The following AGBL2 variants were observed in gnomAD, a reference collection of about 807,000 sequenced individuals.
The protein encoded by AGBL2 is AGBL carboxypeptidase 2.
A neutral mutation model predicts 103.0 loss-of-function variants in AGBL2; 87 were observed. The ratio of observed to expected loss-of-function variants is 0.84; its 90% CI spans 0.71 to 1.01. The LOEUF (loss-of-function observed/expected upper bound fraction) is 1.01. Ranked by LOEUF, AGBL2 falls within the 50% of genes least tolerant of loss-of-function variation. The pLI, the probability that AGBL2 is intolerant of heterozygous loss-of-function variation, is 0.00. For missense variants in AGBL2, 904 were observed against 1,023.5 expected, an observed-to-expected ratio of 0.88 and a Z score of 1.59; for synonymous variants, 335 against 356.7, an observed-to-expected ratio of 0.94 and a Z score of 0.69.
intron 8 of AGBL2, among the ~76,000 whole-genome samples, chr11:47,694,883 T>A (rs1258167152): frequency 6.6e-6 from 1 of 152,208 alleles, no homozygotes; most frequent in Admixed American, 6.5e-5. Flanking sequence ...GCGTGGTGGC[T>A]CATGCCTGTA....
In AGBL2 at chr11:47,663,078, A is replaced by G; in HGVS notation, c.2483T>C (p.Leu828Pro). 6.3e-7 allele frequency: 1 copy of G among 1,598,300 alleles called. No individual in the cohort carries two copies. Among genetic ancestry groups the G allele is most frequent in the Non-Finnish European group, 8.5e-7 (1 of 1,176,768 alleles). The stretch of plus-strand genomic sequence containing the variant: ...AATCAGGGTGGCCATTGATGGGTCC[A>G]GGGGGGTGTCTTTGTCTCTTCTATT... ...NLNRRDKDTPLDPSMATLILP... is the reference protein window; with the variant it reads ...NLNRRDKDTPPDPSMATLILP... The change falls in exon 18 of 19, where the codon CTG (leucine) becomes CCG (proline). Residue 828 changes from leucine (L) to proline (P), a missense_variant. Physicochemically the swap from Leu to Pro is moderately conservative, Grantham distance 98. Coordinates refer to ENST00000525123, the MANE Select transcript of AGBL2 (RefSeq NM_024783.4).
chr11:47,714,174 T>G lies in AGBL2; in HGVS notation c.97+110A>C. 5 of 781,428 alleles carry G rather than the reference T, an allele frequency of 6.4e-6. No individual in the cohort carries two copies. The South Asian group carries it at 7.9e-5, about 12-fold the overall frequency. 48.4% of individuals were successfully genotyped at this position (781,428 alleles called of 1,614,324 possible). On this transcript the variant is annotated intron_variant, in intron 3 of 18. Coordinates refer to ENST00000525123, the MANE Select transcript of AGBL2 (RefSeq NM_024783.4). ...AATGGTAGAGGAAAAAGTATTTATT[T>G]GTCAATGCAAATTATTTATTAGTCT... is the stretch of plus-strand genomic sequence containing the variant.
intron 10 of AGBL2, among the ~76,000 whole-genome samples, chr11:47,686,983 T>TG (rs1194444882): frequency 3.8e-5 from 1 of 26,514 alleles, no homozygotes; most frequent in African/African-American, 1.5e-4. Context: ...AAAAAAATGG[T>TG]GGGGGGAGGG....
chr11:47,691,099 CA>C (rs71042701), intron 9 of AGBL2, among the ~76,000 whole-genome samples: 10 of 138,444 alleles, frequency 7.2e-5, no homozygotes, highest in African/African-American at 2.4e-4. Flanking sequence ...ACTAAATATA[CA>C]AAAAAAAAAA....
At chr11:47,668,359 T>A (rs1438237686) in intron 15 of AGBL2, among the ~76,000 whole-genome samples, 4 of 137,944 alleles carry the variant, frequency 2.9e-5, no homozygotes, top group East Asian at 2.2e-4. Context: ...TAGCCGGGCG[T>A]GGTGGCATGT....
intron 8 of AGBL2, among the ~76,000 whole-genome samples, chr11:47,695,778 A>G (rs1046854081): frequency 6.6e-6 from 1 of 151,352 alleles, no homozygotes; most frequent in Non-Finnish European, 1.5e-5. Context: ...CTGTCTAAAA[A>G]TTAAAAAAAA....
chr11:47,672,470 A>G (rs1321480816), intron 14 of AGBL2, among the ~76,000 whole-genome samples: 2 of 152,060 alleles, frequency 1.3e-5, no homozygotes, highest in Admixed American at 6.6e-5. Context: ...ATGAGTCACC[A>G]TGACTGGCTA....
Position 47,666,996 on chromosome 11 carries a change from C to G in AGBL2, c.2408G>C (p.Ser803Thr). 6.2e-7 allele frequency: 1 copy of G among 1,613,638 alleles called. No individual in the cohort carries two copies. The highest frequency in any genetic ancestry group is 8.5e-7 in the Non-Finnish European group (1 of 1,179,904). The change falls in exon 17 of 19, where the codon AGT (serine) becomes ACT (threonine). Residue 803 changes from serine to threonine, a missense_variant. Coordinates refer to ENST00000525123, the MANE Select transcript of AGBL2 (RefSeq NM_024783.4). ...GTTTTCATTTTTCATTGGTAAAAAA[C>G]TGGAATTCTCTGAGTTTTTGAAAAA... ...PTFFKNSENS[S>T]FLPMKNENPR...
At chr11:47,708,923 A>T (rs897864148) in intron 4 of AGBL2, among the ~76,000 whole-genome samples, 1 of 152,024 alleles carries the variant, frequency 6.6e-6, no homozygotes, top group African/African-American at 2.4e-5. Context: ...GGAGTTTGAG[A>T]CCAGCCTGGC....
At chr11:47,683,942 A>AT in intron 11 of AGBL2, among the ~76,000 whole-genome samples, 1 of 151,222 alleles carries the variant, frequency 6.6e-6, no homozygotes, top group East Asian at 1.9e-4. Context: ...AAAAAAAAAA[A>AT]AAAACTTAAA....
At chr11:47,709,454 T>C (rs1368732638) in intron 4 of AGBL2, among the ~76,000 whole-genome samples, 1 of 152,168 alleles carries the variant, frequency 6.6e-6, no homozygotes, top group Non-Finnish European at 1.5e-5. Flanking sequence ...ATTCCTCCCC[T>C]TGGATTTTAG....
intron 17 of AGBL2, among the ~76,000 whole-genome samples, chr11:47,665,461 G>A (rs1414019417): frequency 1.3e-5 from 2 of 151,954 alleles, no homozygotes; most frequent in Admixed American, 1.3e-4. Flanking sequence ...CTTCCAAAGT[G>A]CTGGGATTAC....
rs76215382 is a variant in AGBL2 at position 47,690,268 on chromosome 11, A to G, written c.1439T>C (p.Leu480Pro). The change falls in exon 10 of 19, where the codon CTT becomes CCT. Residue 480 changes from leucine to proline, a missense_variant. Coordinates refer to ENST00000525123, the MANE Select transcript of AGBL2 (RefSeq NM_024783.4). ...WVMKGFLDFI[L>P]SNSPDAQLLR... is the part of the protein sequence containing the mutation. Reference sequence around the variant, plus strand: ...GAGCTGGGCATCTGGGGAGTTGCTAAGGATGAAGTCCAAAAAGCCTTTCAT... The same window carrying G: ...GAGCTGGGCATCTGGGGAGTTGCTAGGGATGAAGTCCAAAAAGCCTTTCAT... 0.016 allele frequency: 25,117 copies of G among 1,614,000 alleles called. 251 individuals are homozygous for G. Among genetic ancestry groups the G allele is most frequent in the East Asian group, 0.02 (902 of 44,890 alleles).
chr11:47,667,503 C>T, intron 16 of AGBL2, 68 bp downstream of exon 16: 3 of 1,566,462 alleles, frequency 1.9e-6, no homozygotes, highest in Non-Finnish European at 2.6e-6. Context: ...ACTTTAACCC[C>T]CTTTCCTTAT....
intron 3 of AGBL2, among the ~76,000 whole-genome samples, chr11:47,711,181 C>CCT (rs2097535531): frequency 1.3e-5 from 2 of 152,140 alleles, no homozygotes. Flanking sequence ...GGAAGGGACT[C>CCT]CTCTCTGGAA....
Position 47,659,879 on chromosome 11 carries a change from A to T in AGBL2, c.*294T>A, listed in dbSNP as rs1277887231. 7.6e-6 allele frequency: 2 copies of T among 264,806 alleles called. No homozygotes were observed. Among genetic ancestry groups the T allele is most frequent in the Non-Finnish European group, 1.4e-5 (2 of 142,234 alleles). The allele number at this position is 264,806 out of a possible 1,614,324, so 16.4% of individuals were successfully genotyped here. A position where few individuals can be genotyped will look rare whatever the true frequency, so the allele number is the denominator to read the frequency against. On this transcript the variant is annotated 3_prime_UTR_variant, in exon 19 of 19. Transcript: ENST00000525123. ...GAGAGAATATCTATTGGTTAAAATGAGGTATATCTGTGCTGCCATGAAGTG... is the reference window on the plus strand; with the variant it reads ...GAGAGAATATCTATTGGTTAAAATGTGGTATATCTGTGCTGCCATGAAGTG...
chr11:47,662,924 C>T (rs1238209679), intron 18 of AGBL2, 102 bp downstream of exon 18: 6 of 974,398 alleles, frequency 6.2e-6, no homozygotes, highest in Non-Finnish European at 7.8e-6. Flanking sequence ...GAAGGTAAAA[C>T]TGGACTGTGC....
At chr11:47,699,684 A>G in intron 7 of AGBL2, 131 bp from the exon 8 acceptor site, 1 of 522,194 alleles carries the variant, frequency 1.9e-6, no homozygotes. Flanking sequence ...TCCCACCCTA[A>G]ATTTCCTGCT....
At chr11:47,697,002 C>T (rs2097476892) in intron 8 of AGBL2, among the ~76,000 whole-genome samples, 1 of 152,086 alleles carries the variant, frequency 6.6e-6, no homozygotes, top group African/African-American at 2.4e-5. Context: ...AATCTTGGCT[C>T]ACTGCAACCT....
Sources: gnomAD v4.1 joint callset for allele counts (sites outside exome capture counted in the v4.1 genomes callset) on GRCh38, gnomAD v4.1.1 for gene constraint, MANE v1.5 for transcripts, NCBI Gene and HGNC (gene_info 2026-07-23, HGNC 2026-07-21) for gene names.